DDAH1: variants seen among roughly 807,000 people sequenced by gnomAD.
The protein encoded by DDAH1 is N(G),N(G)-dimethylarginine dimethylaminohydrolase 1.
A neutral mutation model predicts 28.8 loss-of-function variants in DDAH1; 19 were observed. The observed-to-expected ratio is 0.66, with a 90% CI of 0.46 to 0.97. DDAH1 has a LOEUF of 0.97. DDAH1 is among the 50% of genes least tolerant of loss of function. DDAH1 has a pLI of 0.00. For missense variants in DDAH1, 326 were observed against 375.9 expected (o/e 0.87, Z 1.10); for synonymous variants, 153 against 154.4 (o/e 0.99, Z 0.07).
chr1:85,567,730 G>A (rs1366582279), intron 1 of DDAH1, among the ~76,000 whole-genome samples: 1 of 152,094 alleles, frequency 6.6e-6, no homozygotes, highest in Non-Finnish European at 1.5e-5. Context: ...AATACATCGA[G>A]CAAAACCTAA....
intron 1 of DDAH1, among the ~76,000 whole-genome samples, chr1:85,392,286 T>C (rs1651588928): frequency 6.6e-6 from 1 of 152,116 alleles, no homozygotes; most frequent in Non-Finnish European, 1.5e-5. Flanking sequence ...GGTATGCATG[T>C]CTATAGGTCC....
At chr1:85,393,329 A>C (rs1159709595) in intron 1 of DDAH1, among the ~76,000 whole-genome samples, 4 of 152,222 alleles carry the variant, frequency 2.6e-5, no homozygotes, top group Non-Finnish European at 5.9e-5. Flanking sequence ...AAAATAAAAA[A>C]CAAAATTTCA....
At chr1:85,533,550 A>T (rs1358730297) in intron 1 of DDAH1, among the ~76,000 whole-genome samples, 1 of 152,214 alleles carries the variant, frequency 6.6e-6, no homozygotes, top group African/African-American at 2.4e-5. Context: ...GAGGTAAAAG[A>T]GATGAAAACA....
chr1:85,463,995 T>C lies in DDAH1; in HGVS notation c.303+748A>G, dbSNP rs576403467. On this transcript the variant is annotated intron_variant, in intron 1 of 5. Coordinates refer to ENST00000284031, the MANE Select transcript of DDAH1 (RefSeq NM_012137.4). ...ACCCTTGAGAACAGAAAAACTCTCT[T>C]AATTGCTGTGAGTTTAAAAATATAG... Among the ~76,000 whole-genome samples the C allele has an allele frequency of 3.3e-5, 5 of 152,330 alleles. No homozygotes were observed. The South Asian group carries it at 8.3e-4, about 25-fold the overall frequency.
chr1:85,399,725 C>T (rs554900748), intron 1 of DDAH1: 2 of 152,344 alleles, frequency 1.3e-5, no homozygotes, highest in East Asian at 3.9e-4. Context: ...CTGTTTTAAT[C>T]CTTAAAAGTA....
chr1:85,336,669 G>GAA (rs1403948126), intron 4 of DDAH1, among the ~76,000 whole-genome samples: 2 of 147,162 alleles, frequency 1.4e-5, no homozygotes, highest in African/African-American at 5.0e-5. Context: ...TAGAAGGAAA[G>GAA]AAATAATAAA....
intron 1 of DDAH1, among the ~76,000 whole-genome samples, chr1:85,376,279 C>T (rs1570453742): frequency 1.3e-5 from 2 of 152,128 alleles, no homozygotes; most frequent in South Asian, 2.1e-4. Flanking sequence ...GAATAGATAC[C>T]GTATGGAATT....
At chr1:85,406,018 A>G (rs17387935) in intron 1 of DDAH1, among the ~76,000 whole-genome samples, 26,772 of 152,226 alleles carry the variant, frequency 0.18, 2,864 homozygotes, top group Middle Eastern at 0.26. Context: ...AGGACCCACT[A>G]TGTGCCAGGG....
chr1:85,415,393 T>C (rs566910795), intron 1 of DDAH1, among the ~76,000 whole-genome samples: 1 of 150,214 alleles, frequency 6.7e-6, no homozygotes, highest in South Asian at 2.1e-4. Context: ...TAGCTTAAAA[T>C]CTTGTACACT....
Position 85,464,623 on chromosome 1 carries a change from C to T in DDAH1, c.303+120G>A. ...ACACACACACACACTCGCCCCCCGACGGGAAGTTGTGAACTACTAGCCCGA... is the reference window on the plus strand; with the variant it reads ...ACACACACACACACTCGCCCCCCGATGGGAAGTTGTGAACTACTAGCCCGA... On this transcript the variant is annotated intron_variant, in intron 1 of 5. Transcript: ENST00000284031. This position sits in a 1 kb window ranked among gnomAD's most constrained non-coding sequence, Gnocchi z 4.4. 1 of 1,513,858 alleles carries T rather than the reference C, an allele frequency of 6.6e-7. No individual in the cohort carries two copies. The highest frequency in any genetic ancestry group is 1.2e-5 in the South Asian group (1 of 81,316). The allele number at this position is 1,513,858 out of a possible 1,614,324, so 93.8% of individuals were successfully genotyped here.
chr1:85,350,717 A>G (rs558519104), intron 3 of DDAH1, among the ~76,000 whole-genome samples, 183 bp from the exon 4 acceptor site: 11 of 152,362 alleles, frequency 7.2e-5, no homozygotes, highest in African/African-American at 1.7e-4. Context: ...CTAAGAAGAC[A>G]GTAGAGTCAC....
intron 1 of DDAH1, among the ~76,000 whole-genome samples, chr1:85,364,552 CTTT>C (rs34633935): frequency 1.4e-5 from 2 of 147,712 alleles, no homozygotes; most frequent in Non-Finnish European, 1.5e-5. Flanking sequence ...TGATTACTTT[CTTT>C]TTTTTTTTTG....
intron 1 of DDAH1, among the ~76,000 whole-genome samples, chr1:85,370,136 C>A (rs1336179651): frequency 6.6e-6 from 1 of 152,080 alleles, no homozygotes; most frequent in Non-Finnish European, 1.5e-5. Context: ...AAAATGAGGT[C>A]ATTAGGATGG....
At chr1:85,350,970 C>T (rs746879112) in intron 3 of DDAH1, among the ~76,000 whole-genome samples, 1 of 151,816 alleles carries the variant, frequency 6.6e-6, no homozygotes, top group Non-Finnish European at 1.5e-5. Context: ...GCACAGTTTA[C>T]AGCACACAGA....
At chr1:85,577,188 G>T (rs1251093821) in intron 1 of DDAH1, among the ~76,000 whole-genome samples, 2 of 152,066 alleles carry the variant, frequency 1.3e-5, no homozygotes, top group Non-Finnish European at 2.9e-5. Flanking sequence ...GCACCCTCTC[G>T]CGGTGCGGAC....
At chr1:85,454,504 A>G (rs1654798933) in intron 1 of DDAH1, among the ~76,000 whole-genome samples, 1 of 152,222 alleles carries the variant, frequency 6.6e-6, no homozygotes, top group African/African-American at 2.4e-5. Context: ...GAATTTCTAT[A>G]AAGAGGCTGA....
chr1:85,436,529 TATAGC>T (rs950575915), intron 1 of DDAH1, among the ~76,000 whole-genome samples: 2 of 152,216 alleles, frequency 1.3e-5, no homozygotes, highest in African/African-American at 4.8e-5. Context: ...ACATATATGC[TATAGC>T]AATCTGGGAC....
At chr1:85,350,291 G>T in intron 4 of DDAH1, 124 bp downstream of exon 4, 1 of 1,286,564 alleles carries the variant, frequency 7.8e-7, no homozygotes, top group Non-Finnish European at 1.1e-6. Context: ...CATCACAGAA[G>T]CTCAAATACC....
At chr1:85,355,776 T>C (rs1649458105) in intron 2 of DDAH1, among the ~76,000 whole-genome samples, 1 of 152,062 alleles carries the variant, frequency 6.6e-6, no homozygotes, top group Admixed American at 6.6e-5. Flanking sequence ...AATTAATACA[T>C]ACATTATGGT....
Sources: gnomAD v4.1 joint callset for allele counts (sites outside exome capture counted in the v4.1 genomes callset) on GRCh38, gnomAD v4.1.1 for gene constraint, Gnocchi (gnomAD v3.1) non-coding constraint, MANE v1.5 for transcripts, NCBI Gene and HGNC (gene_info 2026-07-23, HGNC 2026-07-21) for gene names.